PREX2: variants seen among roughly 807,000 people sequenced by gnomAD.
The protein encoded by PREX2 is phosphatidylinositol-3,4,5-trisphosphate dependent Rac exchange factor 2, also known as phosphatidylinositol 3,4,5-trisphosphate-dependent Rac exchanger 2 protein.
PREX2 carries 107 observed loss-of-function variants against 203.2 expected under a neutral mutation model. The ratio of observed to expected loss-of-function variants is 0.53; its 90% CI spans 0.45 to 0.62. The LOEUF is 0.62. Ranked by LOEUF, PREX2 falls within the 20% of genes least tolerant of loss-of-function variation. The pLI is 0.00. For missense variants in PREX2, 1,777 were observed against 1,955.9 expected (o/e 0.91, Z 1.72); for synonymous variants, 672 against 663.6 (o/e 1.01, Z -0.19).
chr8:68,153,747 C>A (rs970644933), intron 34 of PREX2, among the ~76,000 whole-genome samples: 1 of 152,108 alleles, frequency 6.6e-6, no homozygotes, highest in Non-Finnish European at 1.5e-5. Flanking sequence ...ATATAAAACT[C>A]ATCTTTTTTT....
chr8:68,048,149 C>A (rs867811251), intron 8 of PREX2, among the ~76,000 whole-genome samples: 4 of 152,006 alleles, frequency 2.6e-5, no homozygotes, highest in Admixed American at 2.6e-4. Flanking sequence ...GATTTCAACT[C>A]TCAGTGAATC....
intron 30 of PREX2, among the ~76,000 whole-genome samples, chr8:68,121,969 G>A (rs545699670): frequency 4.6e-5 from 7 of 152,258 alleles, no homozygotes; most frequent in African/African-American, 1.7e-4. Flanking sequence ...TTGTTTGTCA[G>A]TTGGTTGTGG....
rs1255666034 is a variant in PREX2 at position 68,099,720 on chromosome 8, A to G, written c.2592A>G (p.Val864=). 2 of 1,613,934 alleles carry G rather than the reference A, an allele frequency of 1.2e-6. No individual in the cohort carries two copies. Among genetic ancestry groups the G allele is most frequent in the Non-Finnish European group, 1.7e-6 (2 of 1,179,958 alleles). The change falls in exon 23 of 40, where the codon GTA becomes GTG. Residue 864 remains valine (V), a synonymous_variant. Transcript: ENST00000288368. Reference sequence around the variant, plus strand: ...TGGCTAAAAGTGATGAGCATTTTGTACAAAACTGTACCAGCCTAAATTCTC... The same window carrying G: ...TGGCTAAAAGTGATGAGCATTTTGTGCAAAACTGTACCAGCCTAAATTCTC... ...EALAKSDEHF[V]QNCTSLNSLN...
chr8:68,116,064 T>G, intron 26 of PREX2, 132 bp downstream of exon 26: 1 of 716,352 alleles, frequency 1.4e-6, no homozygotes, highest in African/African-American at 1.8e-5. Context: ...CACCTGTTAC[T>G]ACCGACCTCA....
intron 19 of PREX2, 42 bp downstream of exon 19, chr8:68,087,851 T>C (rs2129612109): frequency 7.7e-7 from 1 of 1,292,386 alleles, no homozygotes; most frequent in South Asian, 1.2e-5. Flanking sequence ...TCCAGCAGGT[T>C]TGGGATGTGC....
At chr8:68,137,496 C>T (rs187459886) in intron 32 of PREX2, among the ~76,000 whole-genome samples, 78 of 152,156 alleles carry the variant, frequency 5.1e-4, no homozygotes, top group Non-Finnish European at 8.8e-4. Flanking sequence ...GTCTTGAACT[C>T]CTGGGCTCAA....
chr8:68,115,185 G>T (rs192213893), intron 25 of PREX2, among the ~76,000 whole-genome samples: 1 of 151,660 alleles, frequency 6.6e-6, no homozygotes, highest in Non-Finnish European at 1.5e-5. Flanking sequence ...GCGCCACCAC[G>T]CCCGGCTAAT....
intron 35 of PREX2, among the ~76,000 whole-genome samples, chr8:68,185,527 T>G (rs1812172122): frequency 6.6e-6 from 1 of 152,200 alleles, no homozygotes; most frequent in Non-Finnish European, 1.5e-5. Context: ...AATGACTCTT[T>G]ATACCTTTAA....
At chr8:68,203,832 A>G (rs57972416) in intron 37 of PREX2, among the ~76,000 whole-genome samples, 2,545 of 152,294 alleles carry the variant, frequency 0.017, 68 homozygotes, top group African/African-American at 0.057. Context: ...CAGGCCAAAG[A>G]GAAAACAATG....
intron 7 of PREX2, among the ~76,000 whole-genome samples, chr8:68,039,129 C>A (rs1427245005): frequency 6.6e-6 from 1 of 152,172 alleles, no homozygotes; most frequent in Non-Finnish European, 1.5e-5. Flanking sequence ...GTCACACTGT[C>A]ACCCTTCATA....
chr8:67,985,604 T>G (rs1242214600), intron 1 of PREX2, among the ~76,000 whole-genome samples: 1 of 152,206 alleles, frequency 6.6e-6, no homozygotes, highest in African/African-American at 2.4e-5. Context: ...GATCATTTCT[T>G]CTGGGACACC....
chr8:68,055,789 G>A, intron 9 of PREX2, 41 bp from the exon 10 acceptor site: 1 of 1,580,082 alleles, frequency 6.3e-7, no homozygotes, highest in Middle Eastern at 1.7e-4. Flanking sequence ...AATGAATGAA[G>A]AGAATTTTCA....
At chr8:68,032,435 T>C (rs989758879) in intron 6 of PREX2, among the ~76,000 whole-genome samples, 1 of 152,106 alleles carries the variant, frequency 6.6e-6, no homozygotes, top group Non-Finnish European at 1.5e-5. Context: ...GAATTGACAA[T>C]GATTGCGAAA....
At chr8:68,158,061 G>T (rs1209605491) in intron 35 of PREX2, among the ~76,000 whole-genome samples, 6 of 114,720 alleles carry the variant, frequency 5.2e-5, no homozygotes, top group Non-Finnish European at 1.1e-4. Flanking sequence ...ATGTGTGTGT[G>T]AATATATATA....
chr8:68,031,614 T>C (rs1457617377), intron 6 of PREX2, among the ~76,000 whole-genome samples: 1 of 152,200 alleles, frequency 6.6e-6, no homozygotes, highest in African/African-American at 2.4e-5. Flanking sequence ...TTCTCTCCTG[T>C]GAATCTTTTA....
At chr8:68,120,673 A>T (rs1810753733) in intron 29 of PREX2, among the ~76,000 whole-genome samples, 1 of 152,182 alleles carries the variant, frequency 6.6e-6, no homozygotes, top group South Asian at 2.1e-4. Flanking sequence ...TGCCACTCTG[A>T]CAAGTAACTA....
chr8:68,046,721 T>C (rs951800539), intron 8 of PREX2, among the ~76,000 whole-genome samples: 1 of 152,104 alleles, frequency 6.6e-6, no homozygotes, highest in African/African-American at 2.4e-5. Flanking sequence ...CAACTGGGGC[T>C]TTCCCCCTCT....
intron 39 of PREX2, among the ~76,000 whole-genome samples, chr8:68,228,943 T>TCAAAAAAAAA (rs200976299): frequency 1.8e-5 from 2 of 113,860 alleles, no homozygotes; most frequent in African/African-American, 6.7e-5. Flanking sequence ...CCTTGTCTCT[T>TCAAAAAAAAA]TAAAAAAAAA....
intron 1 of PREX2, among the ~76,000 whole-genome samples, chr8:67,990,026 C>T (rs1168824282): frequency 1.3e-5 from 2 of 151,836 alleles, no homozygotes; most frequent in East Asian, 3.9e-4. Flanking sequence ...CGCTGTGTTG[C>T]TCAGGCTGGA....
Sources: allele counts gnomAD v4.1 joint callset (sites outside exome capture counted in the v4.1 genomes callset), GRCh38; gene constraint gnomAD v4.1.1; transcripts MANE v1.5; gene names NCBI Gene and HGNC (gene_info 2026-07-23, HGNC 2026-07-21).